INPP5D: variants seen among roughly 807,000 people sequenced by gnomAD.
The protein encoded by INPP5D is phosphatidylinositol 3,4,5-trisphosphate 5-phosphatase 1.
INPP5D carries 33 observed loss-of-function variants against 122.9 expected under a neutral mutation model. That is an observed-to-expected ratio of 0.27 (90% CI 0.20 to 0.36). The LOEUF is 0.36. INPP5D is among the 10% of genes least tolerant of loss of function. The pLI, the probability that INPP5D is intolerant of heterozygous loss-of-function variation, is 1.00. For missense variants in INPP5D, 1,053 were observed against 1,412.7 expected (o/e 0.75, Z 4.08); for synonymous variants, 584 against 576.2 (o/e 1.01, Z -0.19).
intron 2 of INPP5D, among the ~76,000 whole-genome samples, chr2:233,116,939 C>G (rs1692817621): frequency 6.6e-6 from 1 of 152,206 alleles, no homozygotes; most frequent in Admixed American, 6.5e-5. Flanking sequence ...GGCAATGCTG[C>G]TCTTGGTTTT....
intron 14 of INPP5D, 23 bp downstream of exon 14, chr2:233,169,424 A>G (rs1303236453): frequency 1.2e-5 from 19 of 1,570,086 alleles, no homozygotes; most frequent in Non-Finnish European, 1.6e-5. Context: ...CTTCCCCCCA[A>G]GAGTGTGCAT....
At chr2:233,140,424 T>TAAAA (rs1693609886) in intron 6 of INPP5D, 6,069 of 152,290 alleles carry the variant, frequency 0.04, 163 homozygotes, top group African/African-American at 0.076. Context: ...ACAAGTTTTT[T>TAAAA]AAAAAAGCAA....
At chr2:233,098,911 T>C (rs1326392828) in intron 2 of INPP5D, among the ~76,000 whole-genome samples, 2 of 145,478 alleles carry the variant, frequency 1.4e-5, no homozygotes, top group East Asian at 3.9e-4. Context: ...CATGTGCTCC[T>C]GCTAAGCTAG....
At chr2:233,162,988 G>T (rs1285745858) in intron 11 of INPP5D, among the ~76,000 whole-genome samples, 1 of 152,206 alleles carries the variant, frequency 6.6e-6, no homozygotes, top group Non-Finnish European at 1.5e-5. Context: ...CCGCAGGAGG[G>T]CCGGGGACCC....
At chr2:233,180,050 C>T (rs781064156) in intron 18 of INPP5D, among the ~76,000 whole-genome samples, 9 of 152,186 alleles carry the variant, frequency 5.9e-5, no homozygotes, top group Non-Finnish European at 1.3e-4. Context: ...GGGTGGTACT[C>T]ATCATCCAGC....
intron 2 of INPP5D, among the ~76,000 whole-genome samples, chr2:233,101,627 T>C (rs1444840863): frequency 6.9e-6 from 1 of 145,474 alleles, no homozygotes; most frequent in Non-Finnish European, 1.5e-5. Flanking sequence ...TATAATTATA[T>C]ATTATATTAT....
At chr2:233,149,354 G>T (rs1693862369) in intron 9 of INPP5D, among the ~76,000 whole-genome samples, 1 of 152,116 alleles carries the variant, frequency 6.6e-6, no homozygotes, top group Non-Finnish European at 1.5e-5. Flanking sequence ...ACCCGCCTTG[G>T]CTTCCTAAAG....
chr2:233,143,772 C>A (rs1301292961), intron 6 of INPP5D, among the ~76,000 whole-genome samples: 2 of 151,804 alleles, frequency 1.3e-5, no homozygotes, highest in Admixed American at 6.6e-5. Context: ...ATGGTGATGA[C>A]AGAGGTGGTC....
chr2:233,148,371 G>A (rs1693824880), intron 9 of INPP5D, among the ~76,000 whole-genome samples: 1 of 152,232 alleles, frequency 6.6e-6, no homozygotes. Context: ...GGCAAGAGGG[G>A]ATAGTGTAGA....
chr2:233,186,687 T>C (rs1262957194), intron 21 of INPP5D, among the ~76,000 whole-genome samples: 1 of 10,422 alleles, frequency 9.6e-5, no homozygotes, highest in African/African-American at 5.7e-4. Context: ...TCTCTTTCTT[T>C]TTTTTTTTTT....
rs757957832 is a variant in INPP5D at position 233,170,630 on chromosome 2, G to A, written c.1900+26G>A. On this transcript the variant is annotated intron_variant, in intron 16 of 26. Transcript: ENST00000445964. The surrounding 1 kb of genome is among the most constrained non-coding windows in gnomAD (Gnocchi z 4.5). ...GTAAGAGCAGCAACCCCGGCTGGGA[G>A]CGGTGGCTCACACCTGTAATCCCAG... 26 of 1,610,164 alleles carry A rather than the reference G, an allele frequency of 1.6e-5. No individual in the cohort carries two copies. Among genetic ancestry groups the A allele is most frequent in the Non-Finnish European group, 2.1e-5 (25 of 1,178,250 alleles).
At chr2:233,080,361 T>C (rs1691644680) in intron 2 of INPP5D, among the ~76,000 whole-genome samples, 1 of 152,086 alleles carries the variant, frequency 6.6e-6, no homozygotes, top group African/African-American at 2.4e-5. Flanking sequence ...AGGAAAGCTA[T>C]TGTTATCTGG....
chr2:233,124,650 C>T (rs1364474634), intron 3 of INPP5D, among the ~76,000 whole-genome samples: 2 of 152,270 alleles, frequency 1.3e-5, no homozygotes, highest in African/African-American at 2.4e-5. Context: ...TGCTGAGAAG[C>T]TGTTCTGCAG....
intron 14 of INPP5D, 99 bp from the exon 15 acceptor site, chr2:233,169,927 A>G: frequency 6.3e-7 from 1 of 1,582,696 alleles, no homozygotes; most frequent in Non-Finnish European, 8.6e-7. Context: ...CCCACCTGCT[A>G]TGCTCCTCGC....
At chr2:233,069,181 C>T (rs1386881976) in intron 1 of INPP5D, among the ~76,000 whole-genome samples, 1 of 152,152 alleles carries the variant, frequency 6.6e-6, no homozygotes, top group African/African-American at 2.4e-5. Flanking sequence ...AAGTGCAGGC[C>T]CCTAACAGTT....
intron 2 of INPP5D, among the ~76,000 whole-genome samples, chr2:233,093,634 C>T (rs961908522): frequency 2.0e-5 from 3 of 148,540 alleles, no homozygotes; most frequent in African/African-American, 7.5e-5. Flanking sequence ...GAGCTGAGAT[C>T]ACGTCACTGC....
intron 2 of INPP5D, among the ~76,000 whole-genome samples, chr2:233,118,776 G>A (rs759011740): frequency 1.3e-5 from 2 of 152,226 alleles, no homozygotes; most frequent in African/African-American, 2.4e-5. Flanking sequence ...GAGAGGTGGA[G>A]GAAGGCTCCC....
At chr2:233,111,731 C>T (rs1026119864) in intron 2 of INPP5D, among the ~76,000 whole-genome samples, 7 of 152,182 alleles carry the variant, frequency 4.6e-5, no homozygotes, top group African/African-American at 1.7e-4. Context: ...TGCCAGGTTA[C>T]AATAAGGATT....
intron 9 of INPP5D, among the ~76,000 whole-genome samples, chr2:233,153,948 A>G (rs1250770684): frequency 6.6e-6 from 1 of 152,172 alleles, no homozygotes; most frequent in Non-Finnish European, 1.5e-5. Flanking sequence ...AAACTTGATC[A>G]GCCCAGGGGC....
Sources: allele counts gnomAD v4.1 joint callset (sites outside exome capture counted in the v4.1 genomes callset), GRCh38; gene constraint gnomAD v4.1.1; non-coding constraint Gnocchi (gnomAD v3.1); transcripts MANE v1.5; gene names NCBI Gene and HGNC (gene_info 2026-07-23, HGNC 2026-07-21).